The following CCDC60 variants were observed in gnomAD, a reference collection of about 807,000 sequenced individuals.
CCDC60 encodes coiled-coil domain containing 60.
Under a neutral mutation model 63.5 loss-of-function variants are expected in CCDC60, and 54 were observed. That is an observed-to-expected ratio of 0.85 (90% CI 0.68 to 1.07). The LOEUF (loss-of-function observed/expected upper bound fraction) is 1.07, where lower values mean the gene tolerates loss of function less well. Among genes scored for constraint, CCDC60 ranks in the 50% least tolerant of loss-of-function variants. The pLI is 0.00. For synonymous variants in CCDC60, 206 were observed against 238.8 expected (o/e 0.86, Z 1.27); for missense variants, 651 against 684.3 (o/e 0.95, Z 0.54).
chr12:119,340,704 G>T (rs567785980), intron 1 of CCDC60, among the ~76,000 whole-genome samples: 1 of 152,228 alleles, frequency 6.6e-6, no homozygotes, highest in Non-Finnish European at 1.5e-5. Context: ...ACGTTTCCAT[G>T]GCAAACATAA....
At chr12:119,528,460 G>A (rs1952751789) in intron 11 of CCDC60, among the ~76,000 whole-genome samples, 155 bp from the exon 12 acceptor site, 1 of 152,148 alleles carries the variant, frequency 6.6e-6, no homozygotes, top group Non-Finnish European at 1.5e-5. Context: ...ATCCTCTTGT[G>A]GCAAAAGCCA....
At chr12:119,460,355 C>T (rs1232916931) in intron 2 of CCDC60, among the ~76,000 whole-genome samples, 1 of 152,156 alleles carries the variant, frequency 6.6e-6, no homozygotes, top group Non-Finnish European at 1.5e-5. Flanking sequence ...CTAAGAAGCA[C>T]ATTTTTTGCA....
At chr12:119,448,728 A>G (rs1332279379) in intron 2 of CCDC60, among the ~76,000 whole-genome samples, 4 of 151,976 alleles carry the variant, frequency 2.6e-5, no homozygotes. Flanking sequence ...AGACTTGGCA[A>G]TATTCTCTTT....
chr12:119,386,501 GAA>G (rs56754949), intron 1 of CCDC60, among the ~76,000 whole-genome samples: 116 of 142,666 alleles, frequency 8.1e-4, no homozygotes, highest in East Asian at 2.2e-3. Context: ...TCCACTCTAA[GAA>G]AAAAAAAAAA....
At chr12:119,532,880 G>A (rs1396395145) in intron 13 of CCDC60, among the ~76,000 whole-genome samples, 1 of 152,156 alleles carries the variant, frequency 6.6e-6, no homozygotes, top group Non-Finnish European at 1.5e-5. Context: ...GTAAACATAT[G>A]TGTACATGTG....
chr12:119,361,725 T>TA (rs1235181314), intron 1 of CCDC60, among the ~76,000 whole-genome samples: 6 of 152,206 alleles, frequency 3.9e-5, no homozygotes, highest in African/African-American at 1.4e-4. Flanking sequence ...CAAAAACAGT[T>TA]AGTGTCTATT....
At chr12:119,506,718 C>T (rs1952017599) in intron 7 of CCDC60, among the ~76,000 whole-genome samples, 2 of 152,076 alleles carry the variant, frequency 1.3e-5, no homozygotes, top group South Asian at 4.1e-4. Flanking sequence ...AATTCAAACA[C>T]ACACATATAC....
At chr12:119,386,595 G>C (rs540632994) in intron 1 of CCDC60, among the ~76,000 whole-genome samples, 2 of 152,152 alleles carry the variant, frequency 1.3e-5, no homozygotes, top group East Asian at 3.9e-4. Context: ...AGGAGTAGCC[G>C]TCTGAGGGCT....
intron 1 of CCDC60, among the ~76,000 whole-genome samples, chr12:119,360,159 G>C (rs1428597307): frequency 6.6e-6 from 1 of 150,732 alleles, no homozygotes; most frequent in Non-Finnish European, 1.5e-5. Flanking sequence ...GGCCGGGCGG[G>C]GGGCTGACCC....
intron 1 of CCDC60, among the ~76,000 whole-genome samples, chr12:119,384,748 G>A (rs1956043151): frequency 6.6e-6 from 1 of 152,246 alleles, no homozygotes; most frequent in Non-Finnish European, 1.5e-5. Flanking sequence ...TGTGTTTGCA[G>A]CATGTCACCA....
At chr12:119,407,796 C>G (rs1030497174) in intron 1 of CCDC60, among the ~76,000 whole-genome samples, 10 of 152,024 alleles carry the variant, frequency 6.6e-5, no homozygotes, top group Non-Finnish European at 1.5e-4. Flanking sequence ...TCTTATGGCT[C>G]TTGCCCAAAC....
At chr12:119,432,828 T>C (rs1455669700) in intron 2 of CCDC60, among the ~76,000 whole-genome samples, 2 of 152,230 alleles carry the variant, frequency 1.3e-5, no homozygotes, top group African/African-American at 2.4e-5. Context: ...ACAGCTATTA[T>C]TAGAAATTAA....
At chr12:119,365,694 T>C (rs1157821210) in intron 1 of CCDC60, among the ~76,000 whole-genome samples, 3 of 152,262 alleles carry the variant, frequency 2.0e-5, no homozygotes, top group African/African-American at 7.2e-5. Context: ...CAAAGAACGC[T>C]GCCTGAACAA....
Position 119,335,003 on chromosome 12 carries a change from C to G in CCDC60, c.-174C>G, listed in dbSNP as rs1955455924. 1.8e-6 allele frequency: 1 copy of G among 543,714 alleles called. No homozygotes were observed. Among genetic ancestry groups the G allele is most frequent in the South Asian group, 2.7e-5 (1 of 37,442 alleles). 33.7% of individuals were successfully genotyped at this position (543,714 alleles called of 1,614,324 possible). On this transcript the variant is annotated 5_prime_UTR_variant, in exon 1 of 14. Transcript: ENST00000327554. Reference sequence around the variant, plus strand: ...CTTCCTTATCCCGTCTGTGGGAGACCCAGGTGCTTTCTCATTACTCTTCAG... The same window carrying G: ...CTTCCTTATCCCGTCTGTGGGAGACGCAGGTGCTTTCTCATTACTCTTCAG...
At chr12:119,516,130 G>A (rs963356386) in intron 7 of CCDC60, among the ~76,000 whole-genome samples, 5 of 152,210 alleles carry the variant, frequency 3.3e-5, no homozygotes, top group Admixed American at 3.3e-4. Context: ...TTTTGATTCA[G>A]AGTCTAACTG....
At chr12:119,527,614 T>C (rs1952712981) in intron 11 of CCDC60, among the ~76,000 whole-genome samples, 1 of 150,224 alleles carries the variant, frequency 6.7e-6, no homozygotes, top group Non-Finnish European at 1.5e-5. Context: ...AGCCCAGCTG[T>C]GGAGGTTGAG....
chr12:119,400,185 G>A (rs1005261396), intron 1 of CCDC60, among the ~76,000 whole-genome samples: 1 of 152,116 alleles, frequency 6.6e-6, no homozygotes, highest in East Asian at 1.9e-4. Context: ...GAGTAGCTGG[G>A]ACTACAGGCG....
At chr12:119,415,648 A>G (rs1956686015) in intron 1 of CCDC60, among the ~76,000 whole-genome samples, 1 of 152,160 alleles carries the variant, frequency 6.6e-6, no homozygotes, top group African/African-American at 2.4e-5. Context: ...CAGCGTGGGA[A>G]TGACACTGGT....
chr12:119,344,816 T>TTC (rs369578003), intron 1 of CCDC60, among the ~76,000 whole-genome samples: 1,149 of 110,274 alleles, frequency 0.01, 5 homozygotes, highest in Middle Eastern at 0.038. Context: ...TCTTAGAACA[T>TTC]TCTCTCTCTC....
Sources: allele counts gnomAD v4.1 joint callset (sites outside exome capture counted in the v4.1 genomes callset), GRCh38; gene constraint gnomAD v4.1.1; transcripts MANE v1.5; gene names NCBI Gene and HGNC (gene_info 2026-07-23, HGNC 2026-07-21).